NTM: variants seen among roughly 807,000 people sequenced by gnomAD.
The protein encoded by NTM is neurotrimin.
A neutral mutation model predicts 42.1 loss-of-function variants in NTM; 13 were observed. The observed-to-expected ratio is 0.31, with a 90% CI of 0.20 to 0.49. The LOEUF is 0.49. NTM is among the 20% of genes least tolerant of loss of function. The pLI is 0.99. For missense variants in NTM, 373 were observed against 452.8 expected, an observed-to-expected ratio of 0.82 and a Z score of 1.60; for synonymous variants, 187 against 179.2, an observed-to-expected ratio of 1.04 and a Z score of -0.35.
intron 2 of NTM, among the ~76,000 whole-genome samples, chr11:132,021,447 C>G (rs2074317505): frequency 6.6e-6 from 1 of 152,100 alleles, no homozygotes; most frequent in Non-Finnish European, 1.5e-5. Context: ...TTGCATATCT[C>G]ATACTTTTTT....
chr11:131,759,536 G>T (rs535241661), intron 1 of NTM, among the ~76,000 whole-genome samples: 1 of 151,796 alleles, frequency 6.6e-6, no homozygotes, highest in East Asian at 1.9e-4. Context: ...AACTCATTTG[G>T]AGAACACACT....
chr11:131,967,507 G>A (rs945383241), intron 2 of NTM, among the ~76,000 whole-genome samples: 2 of 152,122 alleles, frequency 1.3e-5, no homozygotes, highest in Admixed American at 1.3e-4. Flanking sequence ...CTGGTGCACC[G>A]AGCCACATGA....
intron 4 of NTM, among the ~76,000 whole-genome samples, chr11:132,258,501 A>G (rs1212367409): frequency 6.6e-6 from 1 of 150,980 alleles, no homozygotes; most frequent in Non-Finnish European, 1.5e-5. Context: ...TGCTTTTTGC[A>G]CTCTCTCAAA....
intron 1 of NTM, among the ~76,000 whole-genome samples, chr11:131,619,007 G>A (rs185221254): frequency 1.3e-5 from 2 of 152,290 alleles, no homozygotes; most frequent in African/African-American, 4.8e-5. Flanking sequence ...GATGAGAATG[G>A]AAGAACTAGT....
chr11:131,687,631 T>C (rs1433302315), intron 1 of NTM, among the ~76,000 whole-genome samples: 1 of 152,084 alleles, frequency 6.6e-6, no homozygotes, highest in Non-Finnish European at 1.5e-5. Context: ...GCCGCCCAAG[T>C]GCCTCGGGTG....
intron 4 of NTM, among the ~76,000 whole-genome samples, chr11:132,230,384 T>C (rs992043583): frequency 6.6e-6 from 1 of 152,192 alleles, no homozygotes; most frequent in Non-Finnish European, 1.5e-5. Context: ...GAAAGTGAGG[T>C]GCAGAAATGT....
chr11:131,972,042 C>CAAAGAAAAAAAAAAA (rs2063618932), intron 2 of NTM, among the ~76,000 whole-genome samples: 1 of 57,842 alleles, frequency 1.7e-5, no homozygotes, highest in African/African-American at 6.8e-5. Flanking sequence ...GACTCCGTCT[C>CAAAGAAAAAAAAAAA]AAAAAAAAAA....
intron 1 of NTM, among the ~76,000 whole-genome samples, chr11:131,717,466 A>G (rs2077831095): frequency 6.6e-6 from 1 of 152,154 alleles, no homozygotes; most frequent in African/African-American, 2.4e-5. Flanking sequence ...ATTTACCTCT[A>G]AGTATTTAAA....
intron 1 of NTM, among the ~76,000 whole-genome samples, chr11:131,457,210 CAAAG>C (rs1409584150): frequency 2.0e-5 from 3 of 152,212 alleles, no homozygotes; most frequent in East Asian, 3.9e-4. Context: ...TGAAGAAAAA[CAAAG>C]AAGACTAAGT....
intron 6 of NTM, among the ~76,000 whole-genome samples, chr11:132,313,640 TAGG>T (rs2095342525): frequency 6.6e-6 from 1 of 152,204 alleles, no homozygotes; most frequent in South Asian, 2.1e-4. Context: ...ATGATCGCCA[TAGG>T]AATTGCTGTT....
chr11:131,882,583 C>G (rs1421003654), intron 1 of NTM, among the ~76,000 whole-genome samples: 1 of 152,202 alleles, frequency 6.6e-6, no homozygotes, highest in Non-Finnish European at 1.5e-5. Flanking sequence ...CTTCATCACA[C>G]TGGTGCTAAA....
chr11:131,442,342 G>T (rs1014840062), intron 1 of NTM, among the ~76,000 whole-genome samples: 29 of 152,084 alleles, frequency 1.9e-4, no homozygotes, highest in African/African-American at 6.5e-4. Context: ...CCTCCTCATC[G>T]ATGACAGCAA....
At chr11:132,331,633 T>C (rs549195448) in intron 8 of NTM, among the ~76,000 whole-genome samples, 6 of 152,292 alleles carry the variant, frequency 3.9e-5, no homozygotes, top group African/African-American at 1.4e-4. Context: ...GACTCTGCTC[T>C]TAAGGAACTT....
At chr11:131,401,816 A>ATATATATATGTGTG (rs1555101730) in intron 1 of NTM, among the ~76,000 whole-genome samples, 1 of 33,262 alleles carries the variant, frequency 3.0e-5, no homozygotes, top group Non-Finnish European at 5.6e-5. Context: ...ATATATATAT[A>ATATATATATGTGTG]TATATATATA....
At chr11:132,038,378 G>A (rs2076764512) in intron 2 of NTM, among the ~76,000 whole-genome samples, 1 of 152,118 alleles carries the variant, frequency 6.6e-6, no homozygotes, top group Non-Finnish European at 1.5e-5. Context: ...TCACGGGTGT[G>A]ATTGAGGACA....
At chr11:131,698,449 C>T (rs887015950) in intron 1 of NTM, among the ~76,000 whole-genome samples, 5 of 152,170 alleles carry the variant, frequency 3.3e-5, no homozygotes, top group African/African-American at 1.2e-4. Flanking sequence ...GTGCTCTGCT[C>T]TAACCACTTT....
chr11:131,832,189 GAAA>G (rs11367226), intron 1 of NTM, among the ~76,000 whole-genome samples: 1 of 138,724 alleles, frequency 7.2e-6, no homozygotes. Context: ...TGTTAGAAGA[GAAA>G]AAAAAAAAAA....
At chr11:131,681,770 CGTGT>C (rs552029869) in intron 1 of NTM, among the ~76,000 whole-genome samples, 1 of 95,760 alleles carries the variant, frequency 1.0e-5, no homozygotes, top group African/African-American at 5.1e-5. Context: ...TGTGTGTGAG[CGTGT>C]GTGTTTCTGT....
At chr11:131,788,903 G>A (rs958674558) in intron 1 of NTM, among the ~76,000 whole-genome samples, 1 of 152,122 alleles carries the variant, frequency 6.6e-6, no homozygotes, top group Non-Finnish European at 1.5e-5. Context: ...AAGGAAGATA[G>A]GCGCTTACTT....
Sources: allele counts gnomAD v4.1 joint callset (sites outside exome capture counted in the v4.1 genomes callset), GRCh38; gene constraint gnomAD v4.1.1; transcripts MANE v1.5; gene names NCBI Gene and HGNC (gene_info 2026-07-23, HGNC 2026-07-21).